The following PYHIN1 variants were observed in gnomAD, a reference collection of about 807,000 sequenced individuals.
PYHIN1 encodes pyrin and HIN domain family member 1, also known as pyrin and HIN domain-containing protein 1.
A neutral mutation model predicts 43.7 loss-of-function variants in PYHIN1; 32 were observed. The observed-to-expected ratio is 0.73, with a 90% CI of 0.55 to 0.98. The LOEUF is 0.98. PYHIN1 is among the 50% of genes least tolerant of loss of function. The pLI is 0.00. For synonymous variants in PYHIN1, 205 were observed against 203.1 expected (o/e 1.01, Z -0.08); for missense variants, 588 against 589.5 (o/e 1.00, Z 0.03).
At chr1:158,936,666 TC>T (rs1286225803) in intron 1 of PYHIN1, among the ~76,000 whole-genome samples, 1 of 152,158 alleles carries the variant, frequency 6.6e-6, no homozygotes, top group Non-Finnish European at 1.5e-5. Context: ...CTAAAAACTC[TC>T]AATAAATTAG....
Position 158,936,847 on chromosome 1 carries a change from C to G in PYHIN1, c.-20-44C>G, listed in dbSNP as rs12089154. 1,917 of 1,293,500 alleles carry G rather than the reference C, an allele frequency of 1.5e-3. 23 individuals carry two copies. In the African/African-American group the frequency reaches 0.026, roughly 17 times the overall value. 80.1% of individuals were successfully genotyped at this position (1,293,500 alleles called of 1,614,324 possible). On this transcript the variant is annotated intron_variant, in intron 1 of 8. Coordinates refer to ENST00000368140, the MANE Select transcript of PYHIN1 (RefSeq NM_152501.5). Reference sequence around the variant, plus strand: ...ATAGGCATACATCTTCTTTTAAATTCTCTGTATACATGTGTAACACTATAT... The same window carrying G: ...ATAGGCATACATCTTCTTTTAAATTGTCTGTATACATGTGTAACACTATAT...
At chr1:158,949,993 T>C (rs1308884794) in intron 7 of PYHIN1, among the ~76,000 whole-genome samples, 1 of 152,142 alleles carries the variant, frequency 6.6e-6, no homozygotes. Flanking sequence ...AGTGGAAGGA[T>C]AGTGGAGTGA....
intron 7 of PYHIN1, among the ~76,000 whole-genome samples, chr1:158,954,989 T>A (rs1443547849): frequency 6.6e-6 from 1 of 150,884 alleles, no homozygotes; most frequent in Non-Finnish European, 1.5e-5. Context: ...CAAACAAAGA[T>A]CAAAAGAGAC....
chr1:158,933,040 A>G lies in PYHIN1; in HGVS notation c.-21+1264A>G, dbSNP rs1236166913. Among the ~76,000 whole-genome samples, 1 of 151,910 alleles carries G rather than the reference A, an allele frequency of 6.6e-6. No individual in the cohort carries two copies. The highest frequency in any genetic ancestry group is 1.9e-4 in the East Asian group (1 of 5,198). On this transcript the variant is annotated intron_variant, in intron 1 of 8. Transcript: ENST00000368140. The surrounding 1 kb of genome is among the most constrained non-coding windows in gnomAD (Gnocchi z 6.3). ...AATTATGTTGCTCAAATTTGTAAAA[A>G]TGTTTTTTTACCTTGTTCATTTAGT...
chr1:158,941,257 A>G (rs1269380623), intron 4 of PYHIN1, among the ~76,000 whole-genome samples: 1 of 152,212 alleles, frequency 6.6e-6, no homozygotes, highest in Non-Finnish European at 1.5e-5. Flanking sequence ...GCTGCAAATT[A>G]AGGAAACCTG....
At chr1:158,948,654 A>G (rs565277276) in intron 7 of PYHIN1, among the ~76,000 whole-genome samples, 1 of 152,316 alleles carries the variant, frequency 6.6e-6, no homozygotes, top group Admixed American at 6.5e-5. Flanking sequence ...TGATTCAGTA[A>G]TAGATGCAAC....
At chr1:158,941,427 T>C (rs1299961660) in intron 4 of PYHIN1, among the ~76,000 whole-genome samples, 1 of 152,212 alleles carries the variant, frequency 6.6e-6, no homozygotes, top group Non-Finnish European at 1.5e-5. Flanking sequence ...GAGGGCATTC[T>C]GAGGGGTTTA....
intron 7 of PYHIN1, among the ~76,000 whole-genome samples, chr1:158,965,076 A>G (rs1557841489): frequency 6.6e-6 from 1 of 152,154 alleles, no homozygotes; most frequent in African/African-American, 2.4e-5. Flanking sequence ...GAAAAAAAAA[A>G]CAGAGGGTGC....
intron 7 of PYHIN1, among the ~76,000 whole-genome samples, chr1:158,949,845 A>G (rs1357673629): frequency 1.3e-5 from 2 of 152,196 alleles, no homozygotes; most frequent in African/African-American, 4.8e-5. Flanking sequence ...AATGTTTGGG[A>G]AAGCGGCATT....
chr1:158,983,246 C>T, the PYHIN1 span, among the ~76,000 whole-genome samples: 1 of 151,906 alleles, frequency 6.6e-6, no homozygotes, highest in East Asian at 1.9e-4. Flanking sequence ...ATGATTTCAG[C>T]TTTTGCCTAT....
At chr1:158,985,856 T>C in the PYHIN1 span, among the ~76,000 whole-genome samples, 22 of 152,172 alleles carry the variant, frequency 1.4e-4, no homozygotes, top group African/African-American at 5.3e-4. Flanking sequence ...TATTTTATTA[T>C]TTTTTCCTTT....
At chr1:158,958,241 G>A (rs372079993) in intron 7 of PYHIN1, among the ~76,000 whole-genome samples, 2 of 151,208 alleles carry the variant, frequency 1.3e-5, no homozygotes, top group Non-Finnish European at 2.9e-5. Context: ...TTTGACCCAG[G>A]CATCCCATTA....
chr1:158,949,904 A>G (rs1649439002), intron 7 of PYHIN1, among the ~76,000 whole-genome samples: 1 of 152,222 alleles, frequency 6.6e-6, no homozygotes, highest in Non-Finnish European at 1.5e-5. Flanking sequence ...CTGTTAAGGC[A>G]TTTCTTTTGC....
chr1:158,970,499 A>G lies in PYHIN1; in HGVS notation c.1360-3148A>G, dbSNP rs184015885. 2.5e-3 allele frequency among the ~76,000 whole-genome samples: 374 copies of G among 151,976 alleles called. 1 individual carries two copies. The highest frequency in any genetic ancestry group is 8.5e-3 in the African/African-American group (352 of 41,488). ...TCACATCCCCTCTACGTCCAATATC[A>G]CTTCTTGGCCTTTCCACTAAGATAA... is the stretch of plus-strand genomic sequence containing the variant. On this transcript the variant is annotated intron_variant, in intron 7 of 8. Coordinates refer to ENST00000368140, the MANE Select transcript of PYHIN1 (RefSeq NM_152501.5).
At chr1:158,957,428 C>T (rs1018201737) in intron 7 of PYHIN1, among the ~76,000 whole-genome samples, 5 of 151,942 alleles carry the variant, frequency 3.3e-5, no homozygotes, top group African/African-American at 4.8e-5. Context: ...TGGAACAGAA[C>T]AGAGCCCGCA....
At chr1:158,950,976 T>C (rs1168100239) in intron 7 of PYHIN1, among the ~76,000 whole-genome samples, 3 of 152,212 alleles carry the variant, frequency 2.0e-5, no homozygotes, top group Non-Finnish European at 4.4e-5. Flanking sequence ...ACTAATTAGA[T>C]GAGTGTTAGT....
At chr1:158,959,406 A>G (rs1209529665) in intron 7 of PYHIN1, among the ~76,000 whole-genome samples, 1 of 152,148 alleles carries the variant, frequency 6.6e-6, no homozygotes, top group African/African-American at 2.4e-5. Context: ...TTAGAGAGCA[A>G]TTATGCACCC....
chr1:158,943,529 G>A (rs375612711), intron 5 of PYHIN1, among the ~76,000 whole-genome samples: 4 of 152,240 alleles, frequency 2.6e-5, no homozygotes, highest in Admixed American at 2.6e-4. Context: ...CAGTCTTGGA[G>A]GTGAAAGAAG....
the PYHIN1 span, among the ~76,000 whole-genome samples, chr1:158,984,009 T>G: frequency 6.7e-6 from 1 of 148,200 alleles, no homozygotes; most frequent in African/African-American, 2.5e-5. Context: ...TCTAATTGTA[T>G]TTATTTGGAT....
Sources: gnomAD v4.1 joint callset for allele counts (sites outside exome capture counted in the v4.1 genomes callset) on GRCh38, gnomAD v4.1.1 for gene constraint, Gnocchi (gnomAD v3.1) non-coding constraint, MANE v1.5 for transcripts, NCBI Gene and HGNC (gene_info 2026-07-23, HGNC 2026-07-21) for gene names.